Variants in PKNOX2 observed in about 807,000 individuals in gnomAD.
PKNOX2 encodes homeobox protein PKNOX2.
PKNOX2 carries 14 observed loss-of-function variants against 53.1 expected under a neutral mutation model. The ratio of observed to expected loss-of-function variants is 0.26; its 90% CI spans 0.17 to 0.41. PKNOX2 has a LOEUF of 0.41. PKNOX2 is among the 10% of genes least tolerant of loss of function. PKNOX2 has a pLI of 1.00. For missense variants in PKNOX2, 496 were observed against 602.8 expected (o/e 0.82, Z 1.85); for synonymous variants, 257 against 242.8 (o/e 1.06, Z -0.54).
At chr11:125,310,541 T>C (rs976979876) in intron 2 of PKNOX2, among the ~76,000 whole-genome samples, 7 of 151,886 alleles carry the variant, frequency 4.6e-5, no homozygotes, top group Non-Finnish European at 8.8e-5. Flanking sequence ...AATAATCCTA[T>C]TTAGAATTTT....
chr11:125,190,407 C>G lies in PKNOX2; in HGVS notation c.-201+25631C>G, dbSNP rs1288850115. Among the ~76,000 whole-genome samples the G allele has an allele frequency of 3.3e-5, 5 of 152,216 alleles. No homozygotes were observed. The East Asian group carries it at 7.7e-4, about 23-fold the overall frequency. On this transcript the variant is annotated intron_variant, in intron 1 of 12. Coordinates refer to ENST00000298282, the MANE Select transcript of PKNOX2 (RefSeq NM_001382323.2). ...CTGGCTCACTGAAAGTGCCTTTTCTCTGATGTCCATACTTGTGCCACTTAC... is the reference window on the plus strand; with the variant it reads ...CTGGCTCACTGAAAGTGCCTTTTCTGTGATGTCCATACTTGTGCCACTTAC...
chr11:125,269,362 T>C (rs1404966763), intron 2 of PKNOX2, among the ~76,000 whole-genome samples: 3 of 152,358 alleles, frequency 2.0e-5, no homozygotes, highest in Admixed American at 6.5e-5. Context: ...TCTCTCTTTA[T>C]ATTTATGCTT....
intron 10 of PKNOX2, among the ~76,000 whole-genome samples, chr11:125,417,240 C>G (rs917436052): frequency 2.0e-5 from 3 of 152,082 alleles, no homozygotes; most frequent in East Asian, 3.9e-4. Context: ...GTCTTCCTGA[C>G]CTGCCACGTG....
chr11:125,208,986 T>C (rs586515), intron 1 of PKNOX2, among the ~76,000 whole-genome samples: 73,100 of 151,612 alleles, frequency 0.48, 18,520 homozygotes, highest in African/African-American at 0.57. Flanking sequence ...CAGGAGAGAA[T>C]GGGAAGTGAG....
intron 5 of PKNOX2, among the ~76,000 whole-genome samples, chr11:125,379,382 T>C (rs955795327): frequency 6.6e-6 from 1 of 152,158 alleles, no homozygotes; most frequent in Non-Finnish European, 1.5e-5. Context: ...GCCATCTTTT[T>C]TTGAGTCTTT....
At position 125,352,447 on chromosome 11, in the gene PKNOX2, A is replaced by G. The variant is rs1951375105; in HGVS notation, c.87+1055A>G. 6.6e-6 allele frequency among the ~76,000 whole-genome samples: 1 copy of G among 152,038 alleles called. No homozygotes were observed. Among genetic ancestry groups the G allele is most frequent in the South Asian group, 2.1e-4 (1 of 4,830 alleles). ...TGCCCTCCTCTGCCATCCCTCACTC[A>G]TTGGCATTTTCAAACACAGTGGTTC... On this transcript the variant is annotated intron_variant, in intron 4 of 12. Coordinates refer to ENST00000298282, the MANE Select transcript of PKNOX2 (RefSeq NM_001382323.2). This position sits in a 1 kb window ranked among gnomAD's most constrained non-coding sequence, Gnocchi z 4.1.
chr11:125,198,798 C>A (rs1938068724), intron 1 of PKNOX2, among the ~76,000 whole-genome samples: 1 of 151,792 alleles, frequency 6.6e-6, no homozygotes, highest in Non-Finnish European at 1.5e-5. Flanking sequence ...TCACCTCTCT[C>A]CTGATCCGCC....
intron 2 of PKNOX2, among the ~76,000 whole-genome samples, chr11:125,252,011 G>A (rs1008814004): frequency 6.6e-5 from 10 of 152,148 alleles, no homozygotes; most frequent in South Asian, 2.1e-4. Flanking sequence ...CTTATAGAAC[G>A]GTAGCAAAGA....
At chr11:125,252,777 A>T (rs1455488542) in intron 2 of PKNOX2, among the ~76,000 whole-genome samples, 5 of 152,108 alleles carry the variant, frequency 3.3e-5, no homozygotes, top group Non-Finnish European at 7.4e-5. Context: ...TCACCAGAGG[A>T]CCTCTACCAA....
chr11:125,316,850 T>C (rs894637741), intron 2 of PKNOX2, among the ~76,000 whole-genome samples: 1 of 152,318 alleles, frequency 6.6e-6, no homozygotes, highest in East Asian at 1.9e-4. Flanking sequence ...AAGACAACAA[T>C]GAAGTTTGCT....
rs180715899 is a variant in PKNOX2 at position 125,389,837 on chromosome 11, A to G, written c.399+4115A>G. Among the ~76,000 whole-genome samples, 5 of 152,280 alleles carry G rather than the reference A, an allele frequency of 3.3e-5. No individual in the cohort carries two copies. The East Asian group carries it at 9.7e-4, about 29-fold the overall frequency. The stretch of plus-strand genomic sequence containing the variant: ...TTTAACATTTATGGGGTACATTTTA[A>G]TGAGACTCTGGTGTGGCTCGAGGGA... On this transcript the variant is annotated intron_variant, in intron 6 of 12. Transcript: ENST00000298282.
intron 6 of PKNOX2, among the ~76,000 whole-genome samples, chr11:125,387,337 T>C (rs924709409): frequency 2.2e-4 from 33 of 152,246 alleles, no homozygotes; most frequent in African/African-American, 7.5e-4. Flanking sequence ...TAAGGAAATA[T>C]CAAAAAGTAA....
intron 2 of PKNOX2, among the ~76,000 whole-genome samples, chr11:125,244,276 G>C (rs546659958): frequency 2.6e-5 from 4 of 152,348 alleles, no homozygotes. Context: ...GTGGGTGTCT[G>C]GCCCTCAGCC....
intron 5 of PKNOX2, among the ~76,000 whole-genome samples, chr11:125,372,639 C>T (rs1417094527): frequency 6.6e-6 from 1 of 152,258 alleles, no homozygotes; most frequent in Non-Finnish European, 1.5e-5. Context: ...GCCCCATCTT[C>T]ACTCCAAACT....
intron 2 of PKNOX2, among the ~76,000 whole-genome samples, chr11:125,255,048 G>A (rs970734874): frequency 5.9e-5 from 9 of 152,180 alleles, no homozygotes; most frequent in African/African-American, 2.2e-4. Context: ...GTCCTTTCAG[G>A]GTTTGCTGTC....
chr11:125,407,433 T>A (rs1955173480), intron 7 of PKNOX2, among the ~76,000 whole-genome samples: 2 of 152,212 alleles, frequency 1.3e-5, no homozygotes, highest in East Asian at 3.8e-4. Context: ...TCTAACCTTG[T>A]TGGGTACTTT....
chr11:125,183,899 C>A (rs779768383), intron 1 of PKNOX2, among the ~76,000 whole-genome samples: 27 of 152,116 alleles, frequency 1.8e-4, no homozygotes, highest in Non-Finnish European at 3.4e-4. Flanking sequence ...CATGAATGGG[C>A]TATTACTCTG....
At chr11:125,420,250 G>A (rs554613151) in intron 10 of PKNOX2, among the ~76,000 whole-genome samples, 22 of 149,312 alleles carry the variant, frequency 1.5e-4, no homozygotes, top group Non-Finnish European at 2.4e-4. Flanking sequence ...AATGGGGGCC[G>A]GGCACGGTGG....
chr11:125,386,233 A>G (rs1953620769), intron 6 of PKNOX2, among the ~76,000 whole-genome samples: 1 of 152,242 alleles, frequency 6.6e-6, no homozygotes, highest in African/African-American at 2.4e-5. Context: ...GACAGGGTAG[A>G]TCAGCTTCCC....
Sources: gnomAD v4.1 joint callset for allele counts (sites outside exome capture counted in the v4.1 genomes callset) on GRCh38, gnomAD v4.1.1 for gene constraint, Gnocchi (gnomAD v3.1) non-coding constraint, MANE v1.5 for transcripts, NCBI Gene and HGNC (gene_info 2026-07-23, HGNC 2026-07-21) for gene names.